Variants in RELN observed in about 807,000 individuals in gnomAD.
The protein encoded by RELN is reelin.
RELN carries 108 observed loss-of-function variants against 427.6 expected under a neutral mutation model. The ratio of observed to expected loss-of-function variants is 0.25; its 90% confidence interval spans 0.22 to 0.30. The LOEUF (loss-of-function observed/expected upper bound fraction) is 0.30, where lower values mean the gene tolerates loss of function less well. Ranked by LOEUF, RELN falls within the 10% of genes least tolerant of loss-of-function variation. RELN has a pLI of 1.00. For synonymous variants in RELN, 1,524 were observed against 1,513.4 expected (o/e 1.01, Z -0.16); for missense variants, 3,715 against 4,302.8 (o/e 0.86, Z 3.82).
intron 4 of RELN, 26 bp from the exon 5 acceptor site, chr7:103,753,240 GA>G (rs1562992011): frequency 6.2e-7 from 1 of 1,613,570 alleles, no homozygotes; most frequent in East Asian, 2.2e-5. Context: ...AAAGAAGAAA[GA>G]CAACTGATCA....
intron 4 of RELN, among the ~76,000 whole-genome samples, chr7:103,755,143 T>C (rs551190016): frequency 6.6e-6 from 1 of 152,094 alleles, no homozygotes; most frequent in Non-Finnish European, 1.5e-5. Flanking sequence ...TTTTTTGTTG[T>C]TTGTTTTGTT....
intron 3 of RELN, among the ~76,000 whole-genome samples, chr7:103,825,288 G>A (rs1273954480): frequency 6.6e-6 from 1 of 152,070 alleles, no homozygotes; most frequent in Non-Finnish European, 1.5e-5. Flanking sequence ...GCATGGGGCA[G>A]ACAGAGGAAA....
intron 1 of RELN, among the ~76,000 whole-genome samples, chr7:103,977,565 G>C (rs921218382): frequency 1.3e-5 from 2 of 151,996 alleles, no homozygotes; most frequent in African/African-American, 4.8e-5. Context: ...GTGGTCCCAG[G>C]AACTTGAATC....
At position 103,611,644 on chromosome 7, in the gene RELN, G is replaced by T. The variant is rs1831960601; in HGVS notation, c.2862C>A (p.Thr954=). ...MDNQVKLEYS[T]NHGLTWHLVQ... ...CGAGGTGCCAGGTAAGGCCGTGGTT[G>T]GTTGAGTACTCCAGCTTCACCTGGT... Residue 954 remains threonine, a synonymous_variant, in exon 21 of 65, where the codon ACC becomes ACA. Transcript: ENST00000428762. 2.5e-6 allele frequency: 4 copies of T among 1,613,630 alleles called. No individual in the cohort carries two copies. Among genetic ancestry groups the T allele is most frequent in the South Asian group, 2.2e-5 (2 of 91,078 alleles).
At chr7:103,796,907 AAG>A (rs1792316419) in intron 3 of RELN, among the ~76,000 whole-genome samples, 1 of 140,446 alleles carries the variant, frequency 7.1e-6, no homozygotes, top group African/African-American at 3.0e-5. Flanking sequence ...AAGAAAGAAA[AAG>A]AAAAAGAAAA....
At chr7:103,636,175 A>G (rs1832575220) in intron 18 of RELN, 60 bp downstream of exon 18, 1 of 1,090,314 alleles carries the variant, frequency 9.2e-7, no homozygotes, top group African/African-American at 1.6e-5. Flanking sequence ...AATGGACAGT[A>G]TAACTAAATT....
intron 46 of RELN, among the ~76,000 whole-genome samples, chr7:103,524,302 C>T (rs548518997): frequency 1.3e-5 from 2 of 152,098 alleles, no homozygotes; most frequent in East Asian, 3.9e-4. Flanking sequence ...CAGCTTCCCA[C>T]TTGCTCCCTA....
chr7:103,519,361 C>T lies in RELN; in HGVS notation c.7824G>A (p.Leu2608=), dbSNP rs764970076. 2 of 1,614,158 alleles carry T rather than the reference C, an allele frequency of 1.2e-6. No individual in the cohort carries two copies. Among genetic ancestry groups the T allele is most frequent in the Non-Finnish European group, 1.7e-6 (2 of 1,180,004 alleles). ...YSVNGGITWN[L]LMEIFYDQYS... ...ACTGGTCATAGAAAATCTCCATGAG[C>T]AGGTTCCAGGTAATGCCTCCATTGA... Residue 2608 remains leucine, a synonymous_variant, in exon 49 of 65, where the codon CTG becomes CTA. Transcript: ENST00000428762.
intron 2 of RELN, among the ~76,000 whole-genome samples, chr7:103,865,781 T>A (rs907379616): frequency 1.3e-5 from 2 of 152,132 alleles, no homozygotes; most frequent in African/African-American, 2.4e-5. Context: ...AAAAAGCCCA[T>A]AACTAACATC....
chr7:103,730,124 G>A (rs1364838376), intron 6 of RELN, among the ~76,000 whole-genome samples: 2 of 151,998 alleles, frequency 1.3e-5, no homozygotes, highest in Non-Finnish European at 2.9e-5. Flanking sequence ...GAGAAAAAAA[G>A]TAAAAGAATG....
At chr7:103,689,923 G>A (rs1452124243) in intron 10 of RELN, among the ~76,000 whole-genome samples, 1 of 152,048 alleles carries the variant, frequency 6.6e-6, no homozygotes, top group Non-Finnish European at 1.5e-5. Flanking sequence ...TGAGGAGTTG[G>A]GAAGAGATGA....
intron 3 of RELN, among the ~76,000 whole-genome samples, chr7:103,803,309 T>G (rs1192967861): frequency 6.6e-6 from 1 of 152,136 alleles, no homozygotes; most frequent in African/African-American, 2.4e-5. Flanking sequence ...TAAAACACCT[T>G]TATATATTTA....
At chr7:103,592,719 G>A (rs1210363193) in intron 27 of RELN, among the ~76,000 whole-genome samples, 3 of 152,068 alleles carry the variant, frequency 2.0e-5, no homozygotes, top group African/African-American at 7.2e-5. Context: ...CATGGTTTGT[G>A]ATTAATTAAA....
chr7:103,979,485 C>G (rs532017570), intron 1 of RELN, among the ~76,000 whole-genome samples: 1 of 152,316 alleles, frequency 6.6e-6, no homozygotes, highest in South Asian at 2.1e-4. Context: ...CTTTTTTTCT[C>G]ATTCAAATTA....
At chr7:103,596,113 T>G (rs552818996) in intron 25 of RELN, among the ~76,000 whole-genome samples, 11 of 152,282 alleles carry the variant, frequency 7.2e-5, no homozygotes, top group African/African-American at 2.4e-4. Flanking sequence ...TAAGCATAAT[T>G]TGTGTGTGCA....
intron 3 of RELN, among the ~76,000 whole-genome samples, chr7:103,818,620 T>C (rs1397725404): frequency 1.3e-5 from 2 of 152,156 alleles, no homozygotes; most frequent in Non-Finnish European, 1.5e-5. Context: ...ACTTTCGTAA[T>C]GAAAAGAGCA....
At chr7:103,702,411 C>G (rs1834113316) in intron 8 of RELN, among the ~76,000 whole-genome samples, 1 of 152,148 alleles carries the variant, frequency 6.6e-6, no homozygotes, top group South Asian at 2.1e-4. Flanking sequence ...TAAGGTAAAT[C>G]TCTGAAAAAG....
At chr7:103,897,354 A>G (rs1396018676) in intron 2 of RELN, among the ~76,000 whole-genome samples, 1 of 152,132 alleles carries the variant, frequency 6.6e-6, no homozygotes, top group Non-Finnish European at 1.5e-5. Context: ...ACTTGGTGAC[A>G]TCAGCTTTGG....
intron 56 of RELN, 117 bp downstream of exon 56, chr7:103,496,409 G>T: frequency 7.3e-7 from 1 of 1,364,556 alleles, no homozygotes; most frequent in Non-Finnish European, 1.0e-6. Context: ...AACATTTGTT[G>T]AGCAGGAGTA....
Sources: gnomAD v4.1 joint callset for allele counts (sites outside exome capture counted in the v4.1 genomes callset) on GRCh38, gnomAD v4.1.1 for gene constraint, MANE v1.5 for transcripts, NCBI Gene and HGNC (gene_info 2026-07-23, HGNC 2026-07-21) for gene names.